KSR2: variants seen among roughly 807,000 people sequenced by gnomAD.
The protein encoded by KSR2 is kinase suppressor of ras 2.
KSR2 carries 25 observed loss-of-function variants against 107.8 expected under a neutral mutation model. The ratio of observed to expected loss-of-function variants is 0.23; its 90% confidence interval spans 0.17 to 0.32. The LOEUF (loss-of-function observed/expected upper bound fraction) is 0.32. KSR2 is among the 10% of genes least tolerant of loss of function. The probability of loss-of-function intolerance (pLI) is 1.00; values close to 1 mark genes in which losing one functional copy is unlikely to be tolerated. For synonymous variants in KSR2, 480 were observed against 507.0 expected, an observed-to-expected ratio of 0.95 and a Z score of 0.71; for missense variants, 887 against 1,268.9, an observed-to-expected ratio of 0.70 and a Z score of 4.57.
intron 5 of KSR2, among the ~76,000 whole-genome samples, chr12:117,593,891 G>C (rs1880475512): frequency 1.3e-5 from 2 of 152,248 alleles, no homozygotes; most frequent in African/African-American, 4.8e-5. Context: ...GCTGCAGTGA[G>C]TTATGCAGAG....
rs150720377 is a variant in KSR2 at position 117,552,892 on chromosome 12, G to A, written c.1518+2277C>T. Among the ~76,000 whole-genome samples, 556 of 152,310 alleles carry A rather than the reference G, an allele frequency of 3.7e-3. 7 individuals carry two copies. Among genetic ancestry groups the A allele is most frequent in the South Asian group, 3.7e-3 (18 of 4,828 alleles). ...ATCCCTGTTTTAGATGACTCCAGCC[G>A]TTATCTGTGTGAGTCTTCCCAGTTG... On this transcript the variant is annotated intron_variant, in intron 9 of 19. Transcript: ENST00000339824.
intron 4 of KSR2, among the ~76,000 whole-genome samples, chr12:117,722,118 C>T (rs1166913371): frequency 6.6e-6 from 1 of 152,104 alleles, no homozygotes; most frequent in Non-Finnish European, 1.5e-5. Context: ...AAGTGATCCT[C>T]CCGCCTCGTT....
chr12:117,795,685 G>C (rs1027896303), intron 3 of KSR2, among the ~76,000 whole-genome samples: 5 of 152,166 alleles, frequency 3.3e-5, no homozygotes, highest in Admixed American at 1.3e-4. Flanking sequence ...CTGGAATGCA[G>C]TGGTACAATC....
In KSR2 at chr12:117,454,370, G is replaced by A. The variant is rs1370505755; in HGVS notation, c.*12829C>T. 2 of 152,260 alleles carry A rather than the reference G, an allele frequency of 1.3e-5. No homozygotes were observed. Among genetic ancestry groups the A allele is most frequent in the Non-Finnish European group, 2.9e-5 (2 of 68,050 alleles). The allele number at this position is 152,260 out of a possible 1,614,324, so 9.4% of individuals were successfully genotyped here. On this transcript the variant is annotated 3_prime_UTR_variant, in exon 20 of 20. Transcript: ENST00000339824. ...GCTCAAGAAATGCAAATTGAGTCAA[G>A]TTGAAGCAGATAAACAAGCCTCGCT...
At chr12:117,893,746 T>TA (rs1383461826) in intron 1 of KSR2, among the ~76,000 whole-genome samples, 1 of 151,938 alleles carries the variant, frequency 6.6e-6, no homozygotes, top group South Asian at 2.1e-4. Context: ...GGGAGAGAGG[T>TA]AAAATCAAGG....
At chr12:117,950,749 A>AAAATAATAAT (rs1555260902) in intron 1 of KSR2, among the ~76,000 whole-genome samples, 1 of 132,166 alleles carries the variant, frequency 7.6e-6, no homozygotes, top group East Asian at 2.2e-4. Context: ...AAAAAAAAAA[A>AAAATAATAAT]AATAATAATA....
chr12:117,908,144 C>A (rs11068733), intron 1 of KSR2, among the ~76,000 whole-genome samples: 15,141 of 152,052 alleles, frequency 0.1, 846 homozygotes, highest in Middle Eastern at 0.13. Context: ...TATGGAAAAG[C>A]TAAACAGAGA....
chr12:117,502,090 C>A (rs1873411420), intron 14 of KSR2, among the ~76,000 whole-genome samples: 3 of 152,244 alleles, frequency 2.0e-5, no homozygotes, highest in African/African-American at 7.2e-5. Context: ...ACAAGTGTGA[C>A]ATATGTCTGT....
chr12:117,685,258 A>T (rs953416825), intron 4 of KSR2, among the ~76,000 whole-genome samples: 3 of 152,116 alleles, frequency 2.0e-5, no homozygotes, highest in Non-Finnish European at 4.4e-5. Flanking sequence ...GACTAATCTT[A>T]TTTTTTTGTT....
At chr12:117,850,203 G>A (rs1012685190) in intron 3 of KSR2, among the ~76,000 whole-genome samples, 2 of 152,216 alleles carry the variant, frequency 1.3e-5, no homozygotes, top group African/African-American at 4.8e-5. Context: ...CAGCTTTTCA[G>A]AGGTAGGGAG....
chr12:117,623,977 C>T (rs1477129816), intron 5 of KSR2, among the ~76,000 whole-genome samples: 7 of 152,172 alleles, frequency 4.6e-5, no homozygotes, highest in Non-Finnish European at 7.3e-5. Flanking sequence ...TCTCTGATGG[C>T]CAGTGATGAT....
intron 4 of KSR2, among the ~76,000 whole-genome samples, chr12:117,699,581 T>C (rs1038148768): frequency 6.6e-6 from 1 of 152,158 alleles, no homozygotes; most frequent in Non-Finnish European, 1.5e-5. Context: ...TATCCAAACA[T>C]CTAAACATAG....
intron 4 of KSR2, among the ~76,000 whole-genome samples, chr12:117,689,213 G>C (rs1312409684): frequency 6.6e-6 from 1 of 152,042 alleles, no homozygotes; most frequent in Non-Finnish European, 1.5e-5. Context: ...GCAGTTTGTT[G>C]TCTTCACAAA....
intron 4 of KSR2, among the ~76,000 whole-genome samples, chr12:117,730,596 C>T (rs147591068): frequency 0.058 from 8,901 of 152,158 alleles, 298 homozygotes; most frequent in African/African-American, 0.078. Flanking sequence ...CTCGGCTCAC[C>T]GCATCCTCCC....
At chr12:117,788,219 A>G (rs546971258) in intron 3 of KSR2, among the ~76,000 whole-genome samples, 2 of 152,346 alleles carry the variant, frequency 1.3e-5, no homozygotes, top group Admixed American at 6.5e-5. Context: ...CCTCTGAAAC[A>G]AAAGAAATGA....
intron 9 of KSR2, among the ~76,000 whole-genome samples, chr12:117,548,819 G>A (rs1318575284): frequency 6.6e-6 from 1 of 152,160 alleles, no homozygotes; most frequent in Admixed American, 6.5e-5. Flanking sequence ...TCTCCAGAGA[G>A]TCTCTGAGAA....
chr12:117,926,375 T>C (rs1895519307), intron 1 of KSR2, among the ~76,000 whole-genome samples: 1 of 152,222 alleles, frequency 6.6e-6, no homozygotes, highest in South Asian at 2.1e-4. Context: ...AACCATTACG[T>C]GCAAAGCACC....
chr12:117,641,828 G>A (rs1391104107), intron 5 of KSR2, among the ~76,000 whole-genome samples: 2 of 152,116 alleles, frequency 1.3e-5, no homozygotes, highest in African/African-American at 4.8e-5. Context: ...AGGCTTGTGA[G>A]CTTCCCTCAG....
chr12:117,927,135 G>A (rs950167008), intron 1 of KSR2, among the ~76,000 whole-genome samples: 1 of 152,124 alleles, frequency 6.6e-6, no homozygotes, highest in African/African-American at 2.4e-5. Flanking sequence ...CAGCACTTTG[G>A]GAGGCCGAGG....
Sources: gnomAD v4.1 joint callset for allele counts (sites outside exome capture counted in the v4.1 genomes callset) on GRCh38, gnomAD v4.1.1 for gene constraint, MANE v1.5 for transcripts, NCBI Gene and HGNC (gene_info 2026-07-23, HGNC 2026-07-21) for gene names.